AQP11: variants seen among roughly 807,000 people sequenced by gnomAD.
The protein encoded by AQP11 is aquaporin-11.
AQP11 carries 20 observed loss-of-function variants against 21.1 expected under a neutral mutation model. The ratio of observed to expected loss-of-function variants is 0.95; its 90% CI spans 0.67 to 1.38. AQP11 has a LOEUF of 1.38. AQP11 is among the 40% of genes most tolerant of loss of function. The probability of loss-of-function intolerance (pLI) is 0.00; values close to 1 mark genes in which losing one functional copy is unlikely to be tolerated. For synonymous variants in AQP11, 167 were observed against 150.1 expected, an observed-to-expected ratio of 1.11 and a Z score of -0.82; for missense variants, 339 against 340.4, an observed-to-expected ratio of 1.00 and a Z score of 0.03.
intron 1 of AQP11, among the ~76,000 whole-genome samples, chr11:77,592,802 G>A (rs901398659): frequency 6.6e-6 from 1 of 151,836 alleles, no homozygotes; most frequent in African/African-American, 2.4e-5. Flanking sequence ...TGGGGGAGAG[G>A]GAGAGTATAA....
At chr11:77,604,018 C>T (rs1312915755) in intron 2 of AQP11, among the ~76,000 whole-genome samples, 1 of 152,004 alleles carries the variant, frequency 6.6e-6, no homozygotes, top group Admixed American at 6.6e-5. Context: ...TCATTTGACT[C>T]ATTTTGCAGA....
intron 1 of AQP11, among the ~76,000 whole-genome samples, chr11:77,593,644 C>CA (rs550161684): frequency 7.2e-4 from 99 of 137,950 alleles, no homozygotes; most frequent in East Asian, 6.8e-3. Flanking sequence ...GACTCCGTCT[C>CA]AAAAAAAAAC....
At chr11:77,601,982 C>G (rs922780654) in intron 1 of AQP11, among the ~76,000 whole-genome samples, 2 of 147,854 alleles carry the variant, frequency 1.4e-5, no homozygotes, top group African/African-American at 5.2e-5. Flanking sequence ...ATTCCCATAG[C>G]CCTACTCTGC....
At position 77,590,039 on chromosome 11, in the gene AQP11, C is replaced by A. The variant is rs766176138; in HGVS notation, c.47C>A (p.Thr16Asn). The A allele has an allele frequency of 1.2e-5, 19 of 1,567,004 alleles. No individual in the cohort carries two copies. The highest frequency in any genetic ancestry group is 1.5e-5 in the Non-Finnish European group (17 of 1,160,430). Residue 16 changes from threonine to asparagine, a missense_variant, in exon 1 of 3, where the codon ACC becomes AAC. Physicochemically the swap from Thr to Asn is moderately conservative, Grantham distance 65. Transcript: ENST00000313578. ...GLRSELQDTC[T>N]SLGLMLSVVL... ...CGGTCCGAGCTGCAGGACACCTGCA[C>A]CTCGCTGGGACTGATGCTGTCGGTG...
chr11:77,603,729 T>C (rs1252271434), intron 2 of AQP11, 57 bp downstream of exon 2: 3 of 1,251,380 alleles, frequency 2.4e-6, no homozygotes, highest in East Asian at 2.5e-5. Context: ...AAATATGATA[T>C]GTGTATATCA....
intron 1 of AQP11, among the ~76,000 whole-genome samples, chr11:77,597,803 G>A (rs973466461): frequency 6.6e-6 from 1 of 151,852 alleles, no homozygotes; most frequent in Non-Finnish European, 1.5e-5. Context: ...ACCCAGGCTG[G>A]AGTGCAGTGG....
chr11:77,607,763 CAAAAA>C (rs879304990), intron 2 of AQP11, among the ~76,000 whole-genome samples: 2 of 74,314 alleles, frequency 2.7e-5, no homozygotes. Context: ...GACCCTGTCT[CAAAAA>C]AAAAAAAAAA....
intron 2 of AQP11, among the ~76,000 whole-genome samples, chr11:77,608,433 T>C (rs1290507288): frequency 6.6e-6 from 1 of 152,092 alleles, no homozygotes; most frequent in East Asian, 1.9e-4. Context: ...GCCAACATGG[T>C]GAAACCCCAT....
At chr11:77,590,990 C>G in intron 1 of AQP11, 1 of 985,394 alleles carries the variant, frequency 1.0e-6, no homozygotes. Flanking sequence ...GAAAAATGAT[C>G]CTGGCTTTAC....
chr11:77,590,236 G>A lies in AQP11; in HGVS notation c.244G>A (p.Val82Ile). ...GCACCCCACCTGGACGCTGACGCTCGTCTACTTCTTCTCGCTTGTGCATGG... is the reference window on the plus strand; with the variant it reads ...GCACCCCACCTGGACGCTGACGCTCATCTACTTCTTCTCGCTTGTGCATGG... ...PAHPTWTLTL[V>I]YFFSLVHGLT... is the part of the protein sequence containing the mutation. Residue 82 changes from valine (V) to isoleucine (I), a missense_variant, in exon 1 of 3, where the codon GTC (valine) becomes ATC (isoleucine). By Grantham distance (29) the Val-to-Ile change is conservative (BLOSUM62 3). Transcript: ENST00000313578. The A allele has an allele frequency of 6.3e-7, 1 of 1,596,318 alleles. No homozygotes were observed. Among genetic ancestry groups the A allele is most frequent in the Non-Finnish European group, 8.5e-7 (1 of 1,171,002 alleles).
At chr11:77,600,741 G>A (rs1297463909) in intron 1 of AQP11, among the ~76,000 whole-genome samples, 3 of 152,166 alleles carry the variant, frequency 2.0e-5, no homozygotes, top group East Asian at 1.9e-4. Context: ...GGCCGGGTGC[G>A]GTGGCTCACG....
At chr11:77,606,018 G>T in intron 2 of AQP11, among the ~76,000 whole-genome samples, 1 of 137,016 alleles carries the variant, frequency 7.3e-6, no homozygotes. Flanking sequence ...ACTCTAGCCT[G>T]GGCGACAGAG....
At chr11:77,601,781 T>C (rs1481902745) in intron 1 of AQP11, among the ~76,000 whole-genome samples, 2 of 152,226 alleles carry the variant, frequency 1.3e-5, no homozygotes, top group Admixed American at 1.3e-4. Flanking sequence ...CTCACTCATA[T>C]GTCTGGCAGT....
Position 77,590,049 on chromosome 11 carries a change from A to G in AQP11, c.57A>G (p.Gly19=), listed in dbSNP as rs1396478620. Residue 19 remains glycine, a synonymous_variant, in exon 1 of 3, where the codon GGA becomes GGG. Transcript: ENST00000313578. ...TGCAGGACACCTGCACCTCGCTGGG[A>G]CTGATGCTGTCGGTGGTGCTGCTCA... is the stretch of plus-strand genomic sequence containing the variant. ...SELQDTCTSL[G]LMLSVVLLMG... is the part of the protein sequence containing the mutation. 1.3e-6 allele frequency: 2 copies of G among 1,593,798 alleles called. No individual in the cohort carries two copies. The highest frequency in any genetic ancestry group is 1.7e-6 in the Non-Finnish European group (2 of 1,172,676).
At chr11:77,596,537 A>AATATATATGTAAATATATATATATATAT (rs1958783041) in intron 1 of AQP11, among the ~76,000 whole-genome samples, 3 of 86,574 alleles carry the variant, frequency 3.5e-5, no homozygotes, top group Non-Finnish European at 4.6e-5. Flanking sequence ...TATATATGTA[A>AATATATATGTAAATATATATATATATAT]ATATATATAT....
Position 77,609,279 on chromosome 11 carries a change from A to G in AQP11, c.737-19A>G, listed in dbSNP as rs755696551. ...TCCTTAAAGATTGTTTTTTTATTTT[A>G]CTGTATTTTGTCTTTCAGGTATATT... On this transcript the variant is annotated intron_variant, in intron 2 of 2. Transcript: ENST00000313578. 1.7e-5 allele frequency: 27 copies of G among 1,593,948 alleles called. No homozygotes were observed. Among genetic ancestry groups the G allele is most frequent in the Non-Finnish European group, 2.3e-5 (27 of 1,166,228 alleles).
chr11:77,602,949 A>G (rs1958823468), intron 1 of AQP11, among the ~76,000 whole-genome samples: 1 of 152,218 alleles, frequency 6.6e-6, no homozygotes, highest in African/African-American at 2.4e-5. Context: ...GCCAGACTAT[A>G]GACTCCTAGC....
intron 2 of AQP11, among the ~76,000 whole-genome samples, chr11:77,608,579 C>T (rs1343059972): frequency 1.3e-5 from 2 of 152,224 alleles, no homozygotes; most frequent in African/African-American, 2.4e-5. Flanking sequence ...CACCACTTCA[C>T]TCCAGCCTGG....
intron 1 of AQP11, among the ~76,000 whole-genome samples, chr11:77,596,268 C>T (rs1334341092): frequency 6.6e-6 from 1 of 150,920 alleles, no homozygotes; most frequent in Non-Finnish European, 1.5e-5. Flanking sequence ...TGGTAAAGCC[C>T]CATCTCTCCT....
Sources: allele counts gnomAD v4.1 joint callset (sites outside exome capture counted in the v4.1 genomes callset), GRCh38; gene constraint gnomAD v4.1.1; transcripts MANE v1.5; gene names NCBI Gene and HGNC (gene_info 2026-07-23, HGNC 2026-07-21).